The following ZMYM4 variants were observed in gnomAD, a reference collection of about 807,000 sequenced individuals.
ZMYM4 encodes the protein zinc finger MYM-type protein 4.
ZMYM4 carries 31 observed loss-of-function variants against 183.2 expected under a neutral mutation model. That is an observed-to-expected ratio of 0.17 (90% CI 0.13 to 0.23). The LOEUF is 0.23. Among genes scored for constraint, ZMYM4 ranks in the 10% least tolerant of loss-of-function variants. ZMYM4 has a pLI of 1.00. For synonymous variants in ZMYM4, 592 were observed against 631.2 expected, an observed-to-expected ratio of 0.94 and a Z score of 0.93; for missense variants, 1,273 against 1,840.3, an observed-to-expected ratio of 0.69 and a Z score of 5.64.
chr1:35,331,218 A>G (rs1476077316), intron 2 of ZMYM4, among the ~76,000 whole-genome samples: 1 of 152,178 alleles, frequency 6.6e-6, no homozygotes, highest in African/African-American at 2.4e-5. Context: ...AAAATGTTGA[A>G]ATCAAAGCCT....
At chr1:35,282,858 T>C (rs1640245355) in intron 1 of ZMYM4, among the ~76,000 whole-genome samples, 1 of 151,848 alleles carries the variant, frequency 6.6e-6, no homozygotes. Context: ...GCCCAGCCTG[T>C]GTTTATCTTT....
intron 2 of ZMYM4, among the ~76,000 whole-genome samples, chr1:35,339,259 C>A (rs772299968): frequency 4.0e-5 from 6 of 151,362 alleles, no homozygotes; most frequent in Admixed American, 2.0e-4. Context: ...TTTAAGATGG[C>A]GTTTCACTCT....
chr1:35,413,874 G>A, intron 26 of ZMYM4, 98 bp from the exon 27 acceptor site: 1 of 686,788 alleles, frequency 1.5e-6, no homozygotes, highest in Non-Finnish European at 2.4e-6. Context: ...TATTGTAAGG[G>A]CAAAAATTAA....
chr1:35,283,292 G>A (rs1249651123), intron 1 of ZMYM4, among the ~76,000 whole-genome samples: 2 of 135,432 alleles, frequency 1.5e-5, no homozygotes, highest in African/African-American at 2.8e-5. Flanking sequence ...TTTATTTTTG[G>A]TTAATAACTG....
In ZMYM4 at chr1:35,386,094, A is replaced by T. The variant is rs745518728; in HGVS notation, c.1741A>T (p.Ser581Cys). 3.1e-6 allele frequency: 5 copies of T among 1,613,728 alleles called. No individual in the cohort carries two copies. The Admixed American group carries it at 5.0e-5, about 16-fold the overall frequency. Residue 581 changes from serine (S) to cysteine (C), a missense_variant, in exon 11 of 30, where the codon AGT (serine) becomes TGT (cysteine). This residue lies in a region of ZMYM4 where 319 missense variants were observed against 518.1 expected (regional missense o/e 0.62). Coordinates refer to ENST00000314607, the MANE Select transcript of ZMYM4 (RefSeq NM_005095.3). ...CTAAGGTGTACAAGTTCAGTGTAAC[A>T]GTTGTAAAACCTCAGCAATTCCTCA... Reference protein sequence around the residue: ...TSAGVQVQCNSCKTSAIPQYH... With the variant: ...TSAGVQVQCNCCKTSAIPQYH...
chr1:35,271,039 A>C (rs191128274), intron 1 of ZMYM4, among the ~76,000 whole-genome samples: 26 of 152,286 alleles, frequency 1.7e-4, no homozygotes, highest in African/African-American at 6.0e-4. Flanking sequence ...ATGTGTTTTG[A>C]AATTTTAAAA....
chr1:35,376,541 T>G (rs1201617362), intron 7 of ZMYM4, among the ~76,000 whole-genome samples: 1 of 152,202 alleles, frequency 6.6e-6, no homozygotes, highest in Non-Finnish European at 1.5e-5. Flanking sequence ...TCTTTTTTTT[T>G]TGAGACGGAG....
chr1:35,275,805 A>T (rs1639841980), intron 1 of ZMYM4, among the ~76,000 whole-genome samples: 1 of 152,192 alleles, frequency 6.6e-6, no homozygotes, highest in Admixed American at 6.5e-5. Flanking sequence ...TGACACTTTT[A>T]TGTGGCTTAG....
intron 5 of ZMYM4, among the ~76,000 whole-genome samples, chr1:35,366,317 A>G (rs1217142051): frequency 1.3e-5 from 2 of 152,224 alleles, no homozygotes; most frequent in South Asian, 2.1e-4. Context: ...GATCAGTAAC[A>G]GTTATTGAAG....
rs947735471 is a variant in ZMYM4 at position 35,327,008 on chromosome 1, C to T, written c.85+1603C>T. ...CTGAGTCACTGGGACTACAGGCACA[C>T]GTCACCACTCCTAGCTAATTTTTTA... On this transcript the variant is annotated intron_variant, in intron 2 of 29. Transcript: ENST00000314607. Among the ~76,000 whole-genome samples, 6 of 152,138 alleles carry T rather than the reference C, an allele frequency of 3.9e-5. 1 individual carries two copies. Among genetic ancestry groups the T allele is most frequent in the East Asian group, 3.8e-4 (2 of 5,198 alleles).
In ZMYM4 at chr1:35,326,467, A is replaced by G. The variant is rs142223947; in HGVS notation, c.85+1062A>G. ...CCACCATGCAGTTCAGAAACAAACA[A>G]TAATAAACATGATGGGCTCACTGAG... On this transcript the variant is annotated intron_variant, in intron 2 of 29. Coordinates refer to ENST00000314607, the MANE Select transcript of ZMYM4 (RefSeq NM_005095.3). Among the ~76,000 whole-genome samples, 60 of 152,346 alleles carry G rather than the reference A, an allele frequency of 3.9e-4. No individual in the cohort carries two copies. In the South Asian group the frequency reaches 4.8e-3, roughly 12 times the overall value.
intron 1 of ZMYM4, among the ~76,000 whole-genome samples, chr1:35,274,460 C>A (rs1387439330): frequency 1.3e-5 from 2 of 151,920 alleles, no homozygotes; most frequent in Non-Finnish European, 2.9e-5. Flanking sequence ...AAAAAAATTA[C>A]CCGAGGTTTA....
chr1:35,397,746 C>G (rs1644835401), intron 20 of ZMYM4, among the ~76,000 whole-genome samples: 1 of 152,016 alleles, frequency 6.6e-6, no homozygotes, highest in Admixed American at 6.6e-5. Flanking sequence ...TATTGGTATT[C>G]AATAGTTTTT....
chr1:35,331,912 A>T (rs1213348293), intron 2 of ZMYM4, among the ~76,000 whole-genome samples: 1 of 151,894 alleles, frequency 6.6e-6, no homozygotes, highest in Non-Finnish European at 1.5e-5. Context: ...TAGGTTGATC[A>T]GTAGGATAAG....
intron 5 of ZMYM4, among the ~76,000 whole-genome samples, chr1:35,365,491 G>T (rs556862127): frequency 2.6e-5 from 4 of 151,816 alleles, no homozygotes; most frequent in African/African-American, 4.8e-5. Flanking sequence ...CTCATTGAAA[G>T]AACTCAATTA....
chr1:35,317,766 G>C (rs1324090504), intron 1 of ZMYM4, among the ~76,000 whole-genome samples: 1 of 152,182 alleles, frequency 6.6e-6, no homozygotes, highest in Non-Finnish European at 1.5e-5. Context: ...ATGTTGATGG[G>C]ATAGGTCTTT....
At chr1:35,275,214 T>C in intron 1 of ZMYM4, among the ~76,000 whole-genome samples, 1 of 152,128 alleles carries the variant, frequency 6.6e-6, no homozygotes, top group East Asian at 1.9e-4. Flanking sequence ...ATGTTTGTAC[T>C]TTTTTTGACA....
intron 1 of ZMYM4, among the ~76,000 whole-genome samples, chr1:35,319,411 C>T (rs538764802): frequency 6.6e-6 from 1 of 152,070 alleles, no homozygotes; most frequent in East Asian, 1.9e-4. Context: ...ATCACGAGGC[C>T]AGGAGTTCAA....
chr1:35,279,844 G>A (rs1055956932), intron 1 of ZMYM4, among the ~76,000 whole-genome samples: 3 of 152,172 alleles, frequency 2.0e-5, no homozygotes, highest in African/African-American at 7.2e-5. Flanking sequence ...AGCAACAGAA[G>A]CATCCTTAAC....
Sources: allele counts gnomAD v4.1 joint callset (sites outside exome capture counted in the v4.1 genomes callset), GRCh38; gene constraint gnomAD v4.1.1; regional missense constraint gnomAD v4.1.1; transcripts MANE v1.5; gene names NCBI Gene and HGNC (gene_info 2026-07-23, HGNC 2026-07-21).